The following ZNF284 variants were observed in gnomAD, a reference collection of about 807,000 sequenced individuals.
ZNF284 encodes zinc finger protein 284.
A neutral mutation model predicts 12.9 loss-of-function variants in ZNF284; 12 were observed. That is an observed-to-expected ratio of 0.93 (90% confidence interval 0.60 to 1.51). ZNF284 has a LOEUF of 1.51. Ranked by LOEUF, ZNF284 falls within the 40% of genes most tolerant of loss-of-function variation. The probability of loss-of-function intolerance (pLI) is 0.00; values close to 1 mark genes in which losing one functional copy is unlikely to be tolerated. For missense variants in ZNF284, 667 were observed against 707.3 expected (o/e 0.94, Z 0.65); for synonymous variants, 225 against 236.5 (o/e 0.95, Z 0.45).
At chr19:44,080,047 CT>C (rs1173722708) in intron 2 of ZNF284, among the ~76,000 whole-genome samples, 2 of 152,188 alleles carry the variant, frequency 1.3e-5, no homozygotes, top group African/African-American at 4.8e-5. Flanking sequence ...ATGTGACAGT[CT>C]TTATACAGAA....
At chr19:44,074,906 A>C (rs146049989) in intron 1 of ZNF284, among the ~76,000 whole-genome samples, 63 of 152,290 alleles carry the variant, frequency 4.1e-4, no homozygotes, top group African/African-American at 1.4e-3. Context: ...AGGCTGACGC[A>C]TAAGAATCAT....
Position 44,086,573 on chromosome 19 carries a change from T to C in ZNF284, c.1095T>C (p.His365=). The C allele has an allele frequency of 6.2e-7, 1 of 1,614,144 alleles. No individual in the cohort carries two copies. Among genetic ancestry groups the C allele is most frequent in the South Asian group, 1.1e-5 (1 of 91,078 alleles). ...ATCTTTGTAAGCATCAGATGGACCA[T>C]ACAGGAGACAAACCATATAATTGTA... The part of the protein sequence containing the change: ...RQDLCKHQMD[H]TGDKPYNCNV... The change falls in exon 5 of 5, where the codon CAT becomes CAC. Residue 365 remains histidine, a synonymous_variant. Transcript: ENST00000421176.
chr19:44,081,161 G>T lies in ZNF284; in HGVS notation c.142+20G>T. On this transcript the variant is annotated intron_variant, in intron 3 of 4. Transcript: ENST00000421176. ...CAGTGGGTGAGCACAGGCACCCTCTGTAATGGAACATCAGGCCCCAGGAAT... is the reference window on the plus strand; with the variant it reads ...CAGTGGGTGAGCACAGGCACCCTCTTTAATGGAACATCAGGCCCCAGGAAT... The T allele has an allele frequency of 6.2e-7, 1 of 1,602,518 alleles. No homozygotes were observed. The highest frequency in any genetic ancestry group is 1.7e-4 in the Middle Eastern group (1 of 6,000).
intron 1 of ZNF284, 35 bp from the exon 2 acceptor site, chr19:44,076,287 C>CTT (rs113979105): frequency 2.9e-4 from 312 of 1,065,724 alleles, no homozygotes; most frequent in Middle Eastern, 1.1e-3. Flanking sequence ...CTTCATGTCT[C>CTT]TTTTTTTTTT....
chr19:44,083,474 T>TATATAGAGAGAGAGAG lies in ZNF284; in HGVS notation c.235+1370_235+1371insTATAGAGAGAGAGAGA, dbSNP rs746837013. Among the ~76,000 whole-genome samples the TATATAGAGAGAGAGAG allele has an allele frequency of 1.1e-4, 7 of 64,924 alleles. No individual in the cohort carries two copies. The South Asian group carries it at 2.1e-3, about 19-fold the overall frequency. 42.6% of individuals were successfully genotyped at this position (64,924 alleles called of 152,430 possible). A position where few individuals can be genotyped will look rare whatever the true frequency, so the allele number is the denominator to read the frequency against. ...AAATATATATATATATATATATATA[T>TATATAGAGAGAGAGAG]AGAGAGAGAGAGAGAGAGAGAGAGA... On this transcript the variant is annotated intron_variant, in intron 4 of 4. Transcript: ENST00000421176.
intron 4 of ZNF284, among the ~76,000 whole-genome samples, chr19:44,083,771 AG>A (rs1353024935): frequency 6.6e-6 from 1 of 151,990 alleles, no homozygotes; most frequent in Non-Finnish European, 1.5e-5. Context: ...GATAACCCTC[AG>A]GTTTTAAGGC....
chr19:44,074,604 TG>T (rs1967000538), intron 1 of ZNF284, among the ~76,000 whole-genome samples: 2 of 152,076 alleles, frequency 1.3e-5, no homozygotes, highest in South Asian at 4.1e-4. Flanking sequence ...AAGATAATTG[TG>T]GGGTGTCTTG....
In ZNF284 at chr19:44,081,057, G is replaced by T. The variant is rs374025268; in HGVS notation, c.58G>T (p.Glu20Ter). Reference protein sequence around the residue: ...FKDVAVVFTEEELGLLDVSQR... With the variant: ...FKDVAVVFTE ...GGATGTGGCTGTGGTCTTCACCGAG[G>T]AGGAGCTGGGGCTGCTGGACGTTTC... Residue 20 changes from glutamate (E) to a stop codon, truncating the protein, a stop_gained, in exon 3 of 5, where the codon GAG (glutamate) becomes TAG (stop). Coordinates refer to ENST00000421176, the MANE Select transcript of ZNF284 (RefSeq NM_001037813.4). LOFTEE classifies it high-confidence loss of function. 1.9e-6 allele frequency: 3 copies of T among 1,613,092 alleles called. No individual in the cohort carries two copies. The highest frequency in any genetic ancestry group is 2.7e-5 in the African/African-American group (2 of 74,914).
chr19:44,076,004 A>G (rs1967019853), intron 1 of ZNF284, among the ~76,000 whole-genome samples: 1 of 152,158 alleles, frequency 6.6e-6, no homozygotes, highest in African/African-American at 2.4e-5. Context: ...TATAAATGCG[A>G]TCACACAGTC....
intron 1 of ZNF284, among the ~76,000 whole-genome samples, chr19:44,072,549 G>C (rs1420683996): frequency 6.6e-6 from 1 of 152,200 alleles, no homozygotes; most frequent in Non-Finnish European, 1.5e-5. Flanking sequence ...CTTTAAAATG[G>C]GGACTTTAGG....
chr19:44,085,885 G>A lies in ZNF284; in HGVS notation c.407G>A (p.Gly136Glu), dbSNP rs773508212. Residue 136 changes from glycine (G) to glutamate (E), a missense_variant, in exon 5 of 5, where the codon GGA (glycine) becomes GAA (glutamate). Physicochemically the swap from Gly to Glu is moderately conservative, Grantham distance 98 (BLOSUM62 -2). Transcript: ENST00000421176. ...GATGTCCCCTCCCAGGTTGACGCAG[G>A]ACTATCTATAATTCACATAGGAGAG... is the stretch of plus-strand genomic sequence containing the variant. ...QGDVPSQVDA[G>E]LSIIHIGETP... is the part of the protein sequence containing the mutation. 1 of 1,614,164 alleles carries A rather than the reference G, an allele frequency of 6.2e-7. No homozygotes were observed. The highest frequency in any genetic ancestry group is 2.2e-5 in the East Asian group (1 of 44,882).
chr19:44,072,739 C>T (rs1020911960), intron 1 of ZNF284, among the ~76,000 whole-genome samples: 1 of 152,252 alleles, frequency 6.6e-6, no homozygotes, highest in African/African-American at 2.4e-5. Flanking sequence ...TCTCTGATTC[C>T]TGCAGGACGC....
rs780311154 is a variant in ZNF284, at chr19:44,088,223, T to C, written c.*963T>C. On this transcript the variant is annotated 3_prime_UTR_variant, in exon 5 of 5. Coordinates refer to ENST00000421176, the MANE Select transcript of ZNF284 (RefSeq NM_001037813.4). ...CCACCGTGCCCAGCCAATGCTATGC[T>C]GCTTCTATGATGTCAACTTTTTAGC... is the stretch of plus-strand genomic sequence containing the variant. 5.9e-5 allele frequency: 9 copies of C among 151,824 alleles called. No individual in the cohort carries two copies. The highest frequency in any genetic ancestry group is 1.2e-4 in the Non-Finnish European group (8 of 67,942). The allele number at this position is 151,824 out of a possible 1,614,324, so 9.4% of individuals were successfully genotyped here. A position where few individuals can be genotyped will look rare whatever the true frequency, so the allele number is the denominator to read the frequency against.
chr19:44,079,889 T>C (rs1316590011), intron 2 of ZNF284, among the ~76,000 whole-genome samples: 2 of 149,808 alleles, frequency 1.3e-5, no homozygotes, highest in Non-Finnish European at 3.0e-5. Context: ...GTTTGCGCCA[T>C]TGCACTCCAG....
chr19:44,076,868 G>C (rs1967037829), intron 2 of ZNF284, among the ~76,000 whole-genome samples: 1 of 150,686 alleles, frequency 6.6e-6, no homozygotes, highest in Non-Finnish European at 1.5e-5. Context: ...TGCCCAGACT[G>C]GAGTGTGGTG....
chr19:44,076,324 ACAATT>A lies in ZNF284; in HGVS notation c.-64_-60del. The A allele has an allele frequency of 6.5e-7, 1 of 1,532,086 alleles. No homozygotes were observed. The highest frequency in any genetic ancestry group is 1.2e-5 in the South Asian group (1 of 82,488). The allele number at this position is 1,532,086 out of a possible 1,614,324, so 94.9% of individuals were successfully genotyped here. ...TTGCCTTCCATGGCATGTTTCAGGCACAATTCTGTCTTCTCTTGAACTGCATAACT... is the reference window on the plus strand; with the variant it reads ...TTGCCTTCCATGGCATGTTTCAGGCACTGTCTTCTCTTGAACTGCATAACT... On this transcript the variant is annotated 5_prime_UTR_variant, in exon 2 of 5. Transcript: ENST00000421176.
At chr19:44,072,724 C>A (rs1319877029) in intron 1 of ZNF284, among the ~76,000 whole-genome samples, 4 of 152,226 alleles carry the variant, frequency 2.6e-5, no homozygotes, top group Admixed American at 6.5e-5. Flanking sequence ...GGATCCCCGC[C>A]CTTGTCTCTG....
rs374517052 is a variant in ZNF284, at chr19:44,089,358, G to C, written c.*2098G>C. On this transcript the variant is annotated 3_prime_UTR_variant, in exon 5 of 5. Coordinates refer to ENST00000421176, the MANE Select transcript of ZNF284 (RefSeq NM_001037813.4). ...ACAAACTTGGGAAGGCTAGTATTTG[G>C]GGGTGGGGGGCGTGGAAATCACTAA... 1 of 152,086 alleles carries C rather than the reference G, an allele frequency of 6.6e-6. No individual in the cohort carries two copies. Among genetic ancestry groups the C allele is most frequent in the African/African-American group, 2.4e-5 (1 of 41,388 alleles). 9.4% of individuals were successfully genotyped at this position (152,086 alleles called of 1,614,324 possible). A position where few individuals can be genotyped will look rare whatever the true frequency, so the allele number is the denominator to read the frequency against.
At chr19:44,077,420 C>T (rs1171361476) in intron 2 of ZNF284, among the ~76,000 whole-genome samples, 2 of 151,814 alleles carry the variant, frequency 1.3e-5, no homozygotes, top group Non-Finnish European at 2.9e-5. Flanking sequence ...GCACATATAT[C>T]GGTTTCGGTG....
Sources: allele counts gnomAD v4.1 joint callset (sites outside exome capture counted in the v4.1 genomes callset), GRCh38; gene constraint gnomAD v4.1.1; transcripts MANE v1.5; gene names NCBI Gene and HGNC (gene_info 2026-07-23, HGNC 2026-07-21).